TBC1D8: variants seen among roughly 807,000 people sequenced by gnomAD.
The protein encoded by TBC1D8 is BUB2-like protein 1.
TBC1D8 carries 65 observed loss-of-function variants against 118.8 expected under a neutral mutation model. That is an observed-to-expected ratio of 0.55 (90% confidence interval 0.45 to 0.67). The LOEUF (loss-of-function observed/expected upper bound fraction) is 0.67. TBC1D8 is among the 30% of genes least tolerant of loss of function. The probability of loss-of-function intolerance (pLI) is 0.00; values close to 1 mark genes in which losing one functional copy is unlikely to be tolerated. For missense variants in TBC1D8, 1,376 were observed against 1,471.2 expected, an observed-to-expected ratio of 0.94 and a Z score of 1.06; for synonymous variants, 566 against 595.8, an observed-to-expected ratio of 0.95 and a Z score of 0.73.
At chr2:101,074,252 A>G (rs1674660048) in intron 2 of TBC1D8, among the ~76,000 whole-genome samples, 3 of 152,248 alleles carry the variant, frequency 2.0e-5, no homozygotes, top group African/African-American at 7.2e-5. Flanking sequence ...TGGAGCAGTC[A>G]GAATACATAC....
intron 2 of TBC1D8, among the ~76,000 whole-genome samples, chr2:101,069,573 C>T (rs13404022): frequency 0.09 from 13,629 of 152,036 alleles, 1,761 homozygotes; most frequent in African/African-American, 0.28. Flanking sequence ...GCAACAAGAG[C>T]GAAACTCCAT....
intron 5 of TBC1D8, among the ~76,000 whole-genome samples, chr2:101,049,200 C>A (rs1681897514): frequency 6.6e-6 from 1 of 152,082 alleles, no homozygotes; most frequent in Admixed American, 6.6e-5. Context: ...ACTAGTGGTT[C>A]TTTAAAAATT....
chr2:101,021,667 T>A lies in TBC1D8; in HGVS notation c.2827+14A>T. On this transcript the variant is annotated intron_variant, in intron 17 of 19. Transcript: ENST00000409318. ...GCAGAGCACAGTCTGATTTTGCTAC[T>A]TGGACTTTCTTACCTGGAGGGATAT... The A allele has an allele frequency of 6.3e-7, 1 of 1,576,524 alleles. No individual in the cohort carries two copies. Among genetic ancestry groups the A allele is most frequent in the Non-Finnish European group, 8.7e-7 (1 of 1,149,760 alleles).
intron 2 of TBC1D8, among the ~76,000 whole-genome samples, chr2:101,077,208 A>G (rs928754404): frequency 2.0e-5 from 3 of 148,720 alleles, no homozygotes; most frequent in African/African-American, 7.5e-5. Context: ...CATTTCTAGT[A>G]GAGACGGGGT....
chr2:101,038,098 C>T (rs919465654), intron 7 of TBC1D8, among the ~76,000 whole-genome samples: 6 of 152,106 alleles, frequency 3.9e-5, no homozygotes, highest in African/African-American at 1.4e-4. Flanking sequence ...AGAGAAGAGA[C>T]ATGAAAAAAG....
chr2:101,029,655 C>A lies in TBC1D8; in HGVS notation c.2058G>T (p.Leu686=). ...ASVSLSWFLT[L]FLSIMPLESA... is the part of the protein sequence containing the mutation. ...TCTCTAGAGGCATGATGCTGAGGAA[C>A]AGGGTCAGGAACCACGAGAGAGAGA... is the stretch of plus-strand genomic sequence containing the variant. Residue 686 remains leucine (L), a synonymous_variant, in exon 12 of 20, where the codon CTG becomes CTT. Transcript: ENST00000409318. 1.2e-6 allele frequency: 2 copies of A among 1,614,012 alleles called. No homozygotes were observed. Among genetic ancestry groups the A allele is most frequent in the Non-Finnish European group, 8.5e-7 (1 of 1,179,900 alleles).
intron 2 of TBC1D8, 110 bp downstream of exon 2, chr2:101,090,099 G>T: frequency 1.7e-6 from 2 of 1,190,914 alleles, no homozygotes; most frequent in Non-Finnish European, 2.3e-6. Context: ...GTTCCTGAAA[G>T]CAGATGAGGG....
chr2:101,131,561 T>C (rs1183205160), intron 1 of TBC1D8, among the ~76,000 whole-genome samples: 1 of 151,890 alleles, frequency 6.6e-6, no homozygotes, highest in Non-Finnish European at 1.5e-5. Flanking sequence ...ACACCTATAA[T>C]CCCAGCACTT....
intron 1 of TBC1D8, among the ~76,000 whole-genome samples, chr2:101,098,211 G>A (rs1305935669): frequency 6.6e-6 from 1 of 152,084 alleles, no homozygotes; most frequent in Non-Finnish European, 1.5e-5. Flanking sequence ...TGACCAACAT[G>A]GTGAAACCCC....
At chr2:101,090,483 A>T in intron 1 of TBC1D8, 119 bp from the exon 2 acceptor site, 1 of 1,089,378 alleles carries the variant, frequency 9.2e-7, no homozygotes, top group Middle Eastern at 3.1e-4. Flanking sequence ...ACAGTTTTAC[A>T]TCCAGTTCTT....
At chr2:101,053,989 G>A (rs1682226250) in intron 4 of TBC1D8, 119 bp downstream of exon 4, 1 of 892,662 alleles carries the variant, frequency 1.1e-6, no homozygotes, top group South Asian at 1.7e-5. Context: ...GTCACCTGGT[G>A]TCATCTCCAC....
chr2:101,036,088 C>T lies in TBC1D8; in HGVS notation c.1533G>A (p.Glu511=). 6.2e-7 allele frequency: 1 copy of T among 1,614,076 alleles called. No homozygotes were observed. Among genetic ancestry groups the T allele is most frequent in the Non-Finnish European group, 8.5e-7 (1 of 1,179,906 alleles). Residue 511 remains glutamate, a synonymous_variant, in exon 9 of 20, where the codon GAG becomes GAA. Coordinates refer to ENST00000409318, the MANE Select transcript of TBC1D8 (RefSeq NM_001330348.2). ...YGRTVCMFRT[E]KIRKLVAMGI... The stretch of plus-strand genomic sequence containing the variant: ...CCATGGCTACGAGCTTCCGAATCTT[C>T]TCTGTGCGAAACATACACACGGTTC...
In TBC1D8 at chr2:101,022,308, C is replaced by T. The variant is rs770635592; in HGVS notation, c.2734G>A (p.Glu912Lys). The T allele has an allele frequency of 1.2e-6, 2 of 1,612,934 alleles. No individual in the cohort carries two copies. Among genetic ancestry groups the T allele is most frequent in the South Asian group, 2.2e-5 (2 of 90,882 alleles). Residue 912 changes from glutamate (E) to lysine (K), a missense_variant, in exon 16 of 20, where the codon GAG becomes AAG. Coordinates refer to ENST00000409318, the MANE Select transcript of TBC1D8 (RefSeq NM_001330348.2). ...AGGCAGCTCACAAACGCTTTGAACTCGATGAGCTGGTCCATGTTGTCATCC... is the reference window on the plus strand; with the variant it reads ...AGGCAGCTCACAAACGCTTTGAACTTGATGAGCTGGTCCATGTTGTCATCC... Reference protein sequence around the residue: ...LLDDNMDQLIEFKAFVSCLDI... With the variant: ...LLDDNMDQLIKFKAFVSCLDI...
intron 1 of TBC1D8, among the ~76,000 whole-genome samples, chr2:101,111,333 G>A (rs150352556): frequency 3.3e-5 from 5 of 152,276 alleles, no homozygotes; most frequent in African/African-American, 4.8e-5. Flanking sequence ...ACCATATCAC[G>A]CAGGATGCTC....
intron 1 of TBC1D8, among the ~76,000 whole-genome samples, chr2:101,120,699 C>G (rs1175909479): frequency 6.6e-6 from 1 of 152,214 alleles, no homozygotes; most frequent in East Asian, 1.9e-4. Flanking sequence ...AACCTCGTGG[C>G]AGAAACACTG....
At chr2:101,027,906 A>G in intron 14 of TBC1D8, 142 bp downstream of exon 14, 1 of 720,436 alleles carries the variant, frequency 1.4e-6, no homozygotes, top group South Asian at 1.8e-5. Context: ...TTTCTACACT[A>G]CTTCACCCTT....
At chr2:101,062,489 A>G (rs1187505204) in intron 2 of TBC1D8, among the ~76,000 whole-genome samples, 1 of 152,210 alleles carries the variant, frequency 6.6e-6, no homozygotes, top group African/African-American at 2.4e-5. Flanking sequence ...TCCAGATGCT[A>G]TCTCACAGAT....
rs1573927591 is a variant in TBC1D8 at position 101,044,591 on chromosome 2, C to T, written c.873-4206G>A. Among the ~76,000 whole-genome samples the T allele has an allele frequency of 3.3e-5, 5 of 152,300 alleles. 1 individual carries two copies. The highest frequency in any genetic ancestry group is 3.3e-4 in the Admixed American group (5 of 15,306). Reference sequence around the variant, plus strand: ...TGACCTGACATTCAGAACGTGGCCACACAAGCCTGTAGGTCACCGCAGAAG... The same window carrying T: ...TGACCTGACATTCAGAACGTGGCCATACAAGCCTGTAGGTCACCGCAGAAG... On this transcript the variant is annotated intron_variant, in intron 5 of 19. Transcript: ENST00000409318.
At chr2:101,013,495 A>G (rs1679387251) in intron 17 of TBC1D8, among the ~76,000 whole-genome samples, 1 of 152,224 alleles carries the variant, frequency 6.6e-6, no homozygotes, top group Admixed American at 6.5e-5. Context: ...TCTCACTTCA[A>G]GTACTACCCA....
Sources: allele counts gnomAD v4.1 joint callset (sites outside exome capture counted in the v4.1 genomes callset), GRCh38; gene constraint gnomAD v4.1.1; transcripts MANE v1.5; gene names NCBI Gene and HGNC (gene_info 2026-07-23, HGNC 2026-07-21).